Variants in PRPF18 observed in about 807,000 individuals in gnomAD.
PRPF18 encodes pre-mRNA-splicing factor 18.
Under a neutral mutation model 46.5 loss-of-function variants are expected in PRPF18, and 38 were observed. That is an observed-to-expected ratio of 0.82 (90% CI 0.63 to 1.07). PRPF18 has a LOEUF of 1.07. Ranked by LOEUF, PRPF18 falls within the 50% of genes least tolerant of loss-of-function variation. The pLI, the probability that PRPF18 is intolerant of heterozygous loss-of-function variation, is 0.00. For synonymous variants in PRPF18, 152 were observed against 146.7 expected (o/e 1.04, Z -0.26); for missense variants, 263 against 410.0 (o/e 0.64, Z 3.10).
intron 4 of PRPF18, among the ~76,000 whole-genome samples, chr10:13,609,199 G>C (rs180884072): frequency 6.6e-6 from 1 of 152,166 alleles, no homozygotes; most frequent in Non-Finnish European, 1.5e-5. Flanking sequence ...GCTTACTTGC[G>C]TGACTTGATG....
intron 9 of PRPF18, among the ~76,000 whole-genome samples, chr10:13,629,593 AT>A (rs1311989309): frequency 6.6e-6 from 1 of 152,194 alleles, no homozygotes; most frequent in African/African-American, 2.4e-5. Context: ...TTATATGTGC[AT>A]TTCTAAGTAA....
At chr10:13,603,294 AGGT>A (rs954409309) in intron 3 of PRPF18, among the ~76,000 whole-genome samples, 52 of 142,122 alleles carry the variant, frequency 3.7e-4, no homozygotes, top group African/African-American at 1.0e-3. Flanking sequence ...TTTTTGGGGG[AGGT>A]GGTGGTGGTG....
the PRPF18 span, among the ~76,000 whole-genome samples, chr10:13,650,304 G>T: frequency 1.1e-4 from 16 of 152,184 alleles, no homozygotes; most frequent in Non-Finnish European, 1.5e-4. Context: ...CAAGGCCAGA[G>T]GATAGGGGAT....
chr10:13,637,966 A>G, the PRPF18 span: 2 of 152,336 alleles, frequency 1.3e-5, no homozygotes, highest in Admixed American at 1.3e-4. Flanking sequence ...TACTTACGCA[A>G]TGTTCATTCT....
chr10:13,601,233 G>T (rs1292181661), intron 3 of PRPF18, among the ~76,000 whole-genome samples: 1 of 152,038 alleles, frequency 6.6e-6, no homozygotes, highest in Non-Finnish European at 1.5e-5. Context: ...ATGATTTTTA[G>T]GGCAAAGACT....
At chr10:13,595,567 C>A (rs2080023005) in intron 1 of PRPF18, among the ~76,000 whole-genome samples, 1 of 152,144 alleles carries the variant, frequency 6.6e-6, no homozygotes, top group Non-Finnish European at 1.5e-5. Context: ...GTTTAAGGAC[C>A]AGAGTTCTAG....
intron 5 of PRPF18, 105 bp downstream of exon 5, chr10:13,610,290 T>C: frequency 8.0e-7 from 1 of 1,251,542 alleles, no homozygotes; most frequent in South Asian, 2.1e-5. Context: ...ACTGTTGTCC[T>C]TGGTCTTTTG....
At chr10:13,632,409 T>C (rs545623657), downstream of PRPF18, among the ~76,000 whole-genome samples, 1 of 152,320 alleles carries the variant, frequency 6.6e-6, no homozygotes, top group South Asian at 2.1e-4. Flanking sequence ...AGACAGACTT[T>C]CGTAAGATAT....
chr10:13,632,772 A>T (rs1461032384), downstream of PRPF18: 1 of 152,214 alleles, frequency 6.6e-6, no homozygotes, highest in African/African-American at 2.4e-5. Flanking sequence ...ACATGAGGAT[A>T]TATAGAAAAA....
At chr10:13,630,010 T>TC (rs2080572279) in intron 9 of PRPF18, among the ~76,000 whole-genome samples, 1 of 152,240 alleles carries the variant, frequency 6.6e-6, no homozygotes, top group Non-Finnish European at 1.5e-5. Flanking sequence ...TCATATGTCC[T>TC]CCTATGGATG....
At chr10:13,637,447 A>G in the PRPF18 span, among the ~76,000 whole-genome samples, 1 of 151,796 alleles carries the variant, frequency 6.6e-6, no homozygotes, top group South Asian at 2.1e-4. Flanking sequence ...ACCTTTTTTC[A>G]TATGTTTAAT....
At chr10:13,645,510 T>C in the PRPF18 span, 1 of 152,798 alleles carries the variant, frequency 6.5e-6, no homozygotes, top group African/African-American at 2.4e-5. Context: ...GGCTTTCCAG[T>C]TGTGTTTGAA....
chr10:13,611,291 A>G (rs1282987509), intron 5 of PRPF18, among the ~76,000 whole-genome samples: 1 of 151,868 alleles, frequency 6.6e-6, no homozygotes, highest in East Asian at 1.9e-4. Flanking sequence ...TTTAACATAT[A>G]CAAATCAGTG....
chr10:13,597,405 C>A, intron 1 of PRPF18, 53 bp from the exon 2 acceptor site: 1 of 1,230,846 alleles, frequency 8.1e-7, no homozygotes, highest in Non-Finnish European at 1.1e-6. Flanking sequence ...GACTATGGGA[C>A]ATGAAATTTT....
the PRPF18 span, chr10:13,642,942 CA>C: frequency 2.0e-5 from 3 of 152,190 alleles, no homozygotes; most frequent in Non-Finnish European, 2.9e-5. Context: ...GCTTCCCATC[CA>C]GGAGTTTTTC....
intron 9 of PRPF18, among the ~76,000 whole-genome samples, chr10:13,627,794 C>A (rs1384912823): frequency 1.3e-5 from 2 of 152,214 alleles, no homozygotes; most frequent in Non-Finnish European, 2.9e-5. Flanking sequence ...GTAAGGAGCA[C>A]ACACCTAAGA....
At chr10:13,593,833 C>T (rs182947967) in intron 1 of PRPF18, among the ~76,000 whole-genome samples, 80 of 152,212 alleles carry the variant, frequency 5.3e-4, no homozygotes, top group African/African-American at 1.9e-3. Context: ...ATGGTTTAGT[C>T]ATCTGCTGAA....
the PRPF18 span, chr10:13,644,921 A>G: frequency 6.6e-6 from 1 of 152,252 alleles, no homozygotes; most frequent in Non-Finnish European, 1.5e-5. Context: ...CTGCAGGTGT[A>G]CACTTAAAGC....
downstream of PRPF18, chr10:13,632,975 C>G (rs1256068417): frequency 6.6e-6 from 1 of 152,190 alleles, no homozygotes; most frequent in Non-Finnish European, 1.5e-5. Flanking sequence ...TCATAAAACA[C>G]TGAGTTCCCT....
Sources: gnomAD v4.1 joint callset for allele counts (sites outside exome capture counted in the v4.1 genomes callset) on GRCh38, gnomAD v4.1.1 for gene constraint, MANE v1.5 for transcripts, NCBI Gene and HGNC (gene_info 2026-07-23, HGNC 2026-07-21) for gene names.